FTO: variants seen among roughly 807,000 people sequenced by gnomAD.
FTO encodes alpha-ketoglutarate-dependent dioxygenase FTO.
FTO carries 47 observed loss-of-function variants against 63.9 expected under a neutral mutation model. The ratio of observed to expected loss-of-function variants is 0.74; its 90% CI spans 0.58 to 0.94. The LOEUF is 0.94. Ranked by LOEUF, FTO falls within the 40% of genes least tolerant of loss-of-function variation. The probability of loss-of-function intolerance (pLI) is 0.00; values close to 1 mark genes in which losing one functional copy is unlikely to be tolerated. For synonymous variants in FTO, 207 were observed against 224.4 expected (o/e 0.92, Z 0.69); for missense variants, 562 against 618.1 (o/e 0.91, Z 0.96).
At chr16:53,833,802 T>C (rs1244361948) in intron 3 of FTO, among the ~76,000 whole-genome samples, 1 of 152,222 alleles carries the variant, frequency 6.6e-6, no homozygotes, top group East Asian at 1.9e-4. Context: ...CTCCTTGTGG[T>C]TTTGATACAC....
intron 3 of FTO, among the ~76,000 whole-genome samples, chr16:53,832,622 A>G (rs1016715006): frequency 6.6e-6 from 1 of 152,102 alleles, no homozygotes; most frequent in African/African-American, 2.4e-5. Context: ...GGAATTATAT[A>G]TGTGCACGGT....
At chr16:53,894,352 C>T (rs1035969790) in intron 7 of FTO, among the ~76,000 whole-genome samples, 2 of 152,068 alleles carry the variant, frequency 1.3e-5, no homozygotes, top group Admixed American at 6.6e-5. Flanking sequence ...ATGACTGAGC[C>T]GAGCAGTAGT....
At chr16:53,941,657 G>A (rs1049137326) in intron 8 of FTO, among the ~76,000 whole-genome samples, 1 of 152,072 alleles carries the variant, frequency 6.6e-6, no homozygotes, top group African/African-American at 2.4e-5. Context: ...GAACAGCCAG[G>A]GCAACATGGT....
rs564734610 is a variant in FTO, at chr16:53,705,956, G to A, written c.45+1727G>A. Reference sequence around the variant, plus strand: ...ACCATTGCCTGTGAGGGAGTTACTAGTGTCATCCATATTTTAGAGATTTAG... The same window carrying A: ...ACCATTGCCTGTGAGGGAGTTACTAATGTCATCCATATTTTAGAGATTTAG... On this transcript the variant is annotated intron_variant, in intron 1 of 8. Coordinates refer to ENST00000471389, the MANE Select transcript of FTO (RefSeq NM_001080432.3). Among the ~76,000 whole-genome samples, 31 of 152,264 alleles carry A rather than the reference G, an allele frequency of 2.0e-4. No homozygotes were observed. In the East Asian group the frequency reaches 6.0e-3, roughly 29 times the overall value.
At chr16:54,042,405 A>G (rs1217870297) in intron 8 of FTO, among the ~76,000 whole-genome samples, 1 of 73,340 alleles carries the variant, frequency 1.4e-5, no homozygotes, top group African/African-American at 6.7e-5. Context: ...AGACCGGCTT[A>G]AGAAACGGCG....
At chr16:53,821,111 T>C (rs541896605) in intron 2 of FTO, among the ~76,000 whole-genome samples, 4 of 152,244 alleles carry the variant, frequency 2.6e-5, no homozygotes, top group South Asian at 2.1e-4. Flanking sequence ...TGAGACCCAG[T>C]GTATGTTGAA....
intron 2 of FTO, among the ~76,000 whole-genome samples, chr16:53,817,345 G>A (rs2078723660): frequency 6.6e-6 from 1 of 152,112 alleles, no homozygotes; most frequent in African/African-American, 2.4e-5. Flanking sequence ...GCAGAGTCTG[G>A]GTCAGACGAG....
chr16:53,931,896 A>G (rs2082293809), intron 7 of FTO, among the ~76,000 whole-genome samples: 1 of 151,778 alleles, frequency 6.6e-6, no homozygotes, highest in Admixed American at 6.6e-5. Context: ...ACACACACAC[A>G]CACACACACA....
At chr16:53,878,206 G>T (rs895845302) in intron 5 of FTO, among the ~76,000 whole-genome samples, 3 of 152,176 alleles carry the variant, frequency 2.0e-5, no homozygotes, top group African/African-American at 2.4e-5. Flanking sequence ...GCTGAGGCAG[G>T]AGAATTGCTT....
chr16:53,968,070 A>G (rs2083235053), intron 8 of FTO, among the ~76,000 whole-genome samples: 1 of 152,242 alleles, frequency 6.6e-6, no homozygotes, highest in African/African-American at 2.4e-5. Context: ...AAAGAAATTC[A>G]CCATATATAC....
intron 1 of FTO, among the ~76,000 whole-genome samples, chr16:53,771,937 C>T (rs1598619280): frequency 6.6e-6 from 1 of 152,058 alleles, no homozygotes; most frequent in East Asian, 1.9e-4. Context: ...TTAGTGATTG[C>T]CAGGAGCTGG....
At chr16:54,003,710 G>C (rs16952777) in intron 8 of FTO, among the ~76,000 whole-genome samples, 42,849 of 152,000 alleles carry the variant, frequency 0.28, 7,002 homozygotes, top group East Asian at 0.54. Context: ...CATAGAAATA[G>C]TTTAGGTTTT....
intron 8 of FTO, among the ~76,000 whole-genome samples, chr16:53,971,808 G>A (rs1281936189): frequency 2.0e-5 from 3 of 152,154 alleles, no homozygotes; most frequent in Non-Finnish European, 4.4e-5. Context: ...ACAAGCTCAG[G>A]GCTGTATCTG....
At chr16:54,048,993 A>AT (rs1186144344) in intron 8 of FTO, among the ~76,000 whole-genome samples, 12 of 150,644 alleles carry the variant, frequency 8.0e-5, no homozygotes, top group Admixed American at 1.3e-4. Context: ...GTGCATGGAG[A>AT]TTTTTTTTTT....
At chr16:53,928,853 G>GT (rs969055424) in intron 7 of FTO, among the ~76,000 whole-genome samples, 16 of 150,780 alleles carry the variant, frequency 1.1e-4, no homozygotes, top group East Asian at 2.0e-4. Flanking sequence ...GTTTGTTTGG[G>GT]TTTTTTTTTG....
rs532876472 is a variant in FTO, at chr16:54,091,667, C to T, written c.1365-20095C>T. 6.6e-5 allele frequency among the ~76,000 whole-genome samples: 10 copies of T among 152,284 alleles called. No homozygotes were observed. In the South Asian group the frequency reaches 2.1e-3, roughly 32 times the overall value. On this transcript the variant is annotated intron_variant, in intron 8 of 8. Transcript: ENST00000471389. ...AACAGTCTTGCTTTTTCGTTGTGAA[C>T]CCTTCTACGTCATTGGATGTAAACC... is the stretch of plus-strand genomic sequence containing the variant.
At chr16:53,925,102 A>G (rs1025382575) in intron 7 of FTO, among the ~76,000 whole-genome samples, 16 of 151,044 alleles carry the variant, frequency 1.1e-4, no homozygotes, top group African/African-American at 3.4e-4. Flanking sequence ...AGAGAAAAAA[A>G]GTGTTCCTGG....
Position 54,114,093 on chromosome 16 carries a change from C to G in FTO, c.*2178C>G, listed in dbSNP as rs1233255837. The G allele has an allele frequency of 6.6e-6, 1 of 152,236 alleles. No individual in the cohort carries two copies. Among genetic ancestry groups the G allele is most frequent in the Non-Finnish European group, 1.5e-5 (1 of 68,086 alleles). The allele number at this position is 152,236 out of a possible 1,614,324, so 9.4% of individuals were successfully genotyped here. On this transcript the variant is annotated 3_prime_UTR_variant, in exon 9 of 9. Transcript: ENST00000471389. ...CGCTGGGATTACAGGCGTGAGCCACCGCGCCAAGCCAAGGTCTGCATTTTT... is the reference window on the plus strand; with the variant it reads ...CGCTGGGATTACAGGCGTGAGCCACGGCGCCAAGCCAAGGTCTGCATTTTT...
At chr16:54,090,210 A>G (rs147707630) in intron 8 of FTO, among the ~76,000 whole-genome samples, 15 of 152,382 alleles carry the variant, frequency 9.8e-5, no homozygotes, top group Admixed American at 2.6e-4. Context: ...ATTCTAAGGA[A>G]TGAAATTGAA....
Sources: allele counts gnomAD v4.1 joint callset (sites outside exome capture counted in the v4.1 genomes callset), GRCh38; gene constraint gnomAD v4.1.1; transcripts MANE v1.5; gene names NCBI Gene and HGNC (gene_info 2026-07-23, HGNC 2026-07-21).